The following DOCK8 variants were observed in gnomAD, a reference collection of about 807,000 sequenced individuals.
The protein encoded by DOCK8 is dedicator of cytokinesis protein 8.
Under a neutral mutation model 245.6 loss-of-function variants are expected in DOCK8, and 141 were observed. The ratio of observed to expected loss-of-function variants is 0.57; its 90% CI spans 0.50 to 0.66. The LOEUF (loss-of-function observed/expected upper bound fraction) is 0.66. Among genes scored for constraint, DOCK8 ranks in the 30% least tolerant of loss-of-function variants. The probability of loss-of-function intolerance (pLI) is 0.00; values close to 1 mark genes in which losing one functional copy is unlikely to be tolerated. For missense variants in DOCK8, 2,965 were observed against 2,603.4 expected (o/e 1.14, Z -3.02); for synonymous variants, 1,168 against 970.2 (o/e 1.20, Z -3.79).
chr9:417,769 A>G (rs765109477), intron 29 of DOCK8, among the ~76,000 whole-genome samples: 3 of 152,260 alleles, frequency 2.0e-5, no homozygotes, highest in Non-Finnish European at 4.4e-5. Flanking sequence ...AATAATGCCA[A>G]TTATTAGAAT....
chr9:361,808 G>A (rs116301717), intron 14 of DOCK8, among the ~76,000 whole-genome samples: 73 of 151,982 alleles, frequency 4.8e-4, no homozygotes, highest in South Asian at 2.1e-3. Context: ...ATTTTATTTC[G>A]AAATAAAATC....
At chr9:354,814 G>T (rs563583485) in intron 14 of DOCK8, among the ~76,000 whole-genome samples, 3 of 152,212 alleles carry the variant, frequency 2.0e-5, no homozygotes, top group Non-Finnish European at 2.9e-5. Context: ...AAACAAGCAA[G>T]CGGGAGGGTA....
chr9:251,325 C>T (rs1260957268), intron 1 of DOCK8, among the ~76,000 whole-genome samples: 1 of 152,132 alleles, frequency 6.6e-6, no homozygotes, highest in Non-Finnish European at 1.5e-5. Context: ...GCTCTTAAAT[C>T]TTTTACCCAT....
At chr9:247,680 C>G (rs1587657479) in intron 1 of DOCK8, among the ~76,000 whole-genome samples, 1 of 151,978 alleles carries the variant, frequency 6.6e-6, no homozygotes, top group Admixed American at 6.6e-5. Context: ...AATACAGGCA[C>G]CCACCACCAC....
At chr9:306,143 A>G (rs923410399) in intron 5 of DOCK8, among the ~76,000 whole-genome samples, 2 of 152,212 alleles carry the variant, frequency 1.3e-5, no homozygotes, top group African/African-American at 4.8e-5. Flanking sequence ...TTGTAAACTA[A>G]TATAGTTTTC....
At chr9:386,893 A>G (rs1034697796) in intron 23 of DOCK8, among the ~76,000 whole-genome samples, 3 of 152,244 alleles carry the variant, frequency 2.0e-5, no homozygotes, top group African/African-American at 7.2e-5. Flanking sequence ...TCAATACCAT[A>G]TAAACTAATA....
intron 34 of DOCK8, 113 bp from the exon 35 acceptor site, chr9:428,249 T>A: frequency 6.4e-7 from 1 of 1,561,992 alleles, no homozygotes; most frequent in African/African-American, 1.4e-5. Flanking sequence ...CACCAAACTC[T>A]TAAGACTCAC....
intron 26 of DOCK8, among the ~76,000 whole-genome samples, chr9:400,815 CCACCTCCACCATCACCAT>C (rs2054954082): frequency 1.0e-5 from 1 of 98,220 alleles, no homozygotes; most frequent in Non-Finnish European, 2.0e-5. Context: ...ACCATCACCA[CCACCTCCACCATCACCAT>C]CACCACCACC....
In DOCK8 at chr9:403,946, G is replaced by GTA. The variant is rs760208450; in HGVS notation, c.3235-960_3235-959dup. Among the ~76,000 whole-genome samples, 50 of 76,262 alleles carry GTA rather than the reference G, an allele frequency of 6.6e-4. 1 individual carries two copies. Among genetic ancestry groups the GTA allele is most frequent in the African/African-American group, 1.4e-3 (17 of 12,466 alleles). The allele number at this position is 76,262 out of a possible 152,430, so 50.0% of individuals were successfully genotyped here. A position where few individuals can be genotyped will look rare whatever the true frequency, so the allele number is the denominator to read the frequency against. On this transcript the variant is annotated intron_variant, in intron 26 of 47. Coordinates refer to ENST00000432829, the MANE Select transcript of DOCK8 (RefSeq NM_203447.4). ...TATATATATGTGTATATATATATGTGTATATATATATATGTATATATATAT... is the reference window on the plus strand; with the variant it reads ...TATATATATGTGTATATATATATGTGTATATATATATATATGTATATATATAT...
chr9:235,333 A>C lies in DOCK8; in HGVS notation c.53+20304A>C, dbSNP rs567416842. On this transcript the variant is annotated intron_variant, in intron 1 of 47. Transcript: ENST00000432829. ...CTGGGGGGTGCCTCCCAGTTGGGCT[A>C]CTCGGGGGTCAGGGACCCACTTGAG... is the stretch of plus-strand genomic sequence containing the variant. Among the ~76,000 whole-genome samples, 15 of 152,062 alleles carry C rather than the reference A, an allele frequency of 9.9e-5. No individual in the cohort carries two copies. In the East Asian group the frequency reaches 2.9e-3, roughly 30 times the overall value.
intron 1 of DOCK8, among the ~76,000 whole-genome samples, chr9:217,765 C>G (rs2046792334): frequency 6.6e-6 from 1 of 152,130 alleles, no homozygotes. Flanking sequence ...TGATTAAATT[C>G]TCACAAAAAG....
At chr9:277,700 A>T (rs1330788323) in intron 2 of DOCK8, among the ~76,000 whole-genome samples, 2 of 152,136 alleles carry the variant, frequency 1.3e-5, no homozygotes, top group African/African-American at 4.8e-5. Flanking sequence ...GTGAGAATAG[A>T]ACAATTTTGA....
chr9:457,434 G>T (rs1474366862), intron 46 of DOCK8, among the ~76,000 whole-genome samples: 1 of 152,226 alleles, frequency 6.6e-6, no homozygotes, highest in Non-Finnish European at 1.5e-5. Context: ...ATCAGTAAGT[G>T]TAACATTGTT....
chr9:384,652 C>T (rs756331099), intron 22 of DOCK8, among the ~76,000 whole-genome samples: 23 of 152,232 alleles, frequency 1.5e-4, no homozygotes, highest in Non-Finnish European at 1.0e-4. Context: ...CACCGTGGCT[C>T]ATGCCAGTAA....
At chr9:231,005 G>A (rs1019238990) in intron 1 of DOCK8, among the ~76,000 whole-genome samples, 28 of 152,004 alleles carry the variant, frequency 1.8e-4, no homozygotes, top group South Asian at 4.1e-4. Flanking sequence ...GTATTGCCTA[G>A]GTTTTCTTCT....
chr9:252,984 G>T (rs776191251), intron 1 of DOCK8, among the ~76,000 whole-genome samples: 2 of 152,124 alleles, frequency 1.3e-5, no homozygotes, highest in Non-Finnish European at 2.9e-5. Context: ...CTGTCCTTGG[G>T]ACAGAGGTTT....
intron 44 of DOCK8, 112 bp downstream of exon 44, chr9:446,718 C>G: frequency 1.1e-6 from 1 of 931,340 alleles, no homozygotes; most frequent in Non-Finnish European, 1.7e-6. Flanking sequence ...GAGGGATGCA[C>G]TTGAAATATG....
chr9:243,668 C>G (rs966997695), intron 1 of DOCK8, among the ~76,000 whole-genome samples: 1 of 151,024 alleles, frequency 6.6e-6, no homozygotes, highest in Admixed American at 6.6e-5. Flanking sequence ...CCCTTCTTCC[C>G]TACCTTTCCC....
At chr9:250,521 AT>A (rs1417819380) in intron 1 of DOCK8, among the ~76,000 whole-genome samples, 1 of 152,142 alleles carries the variant, frequency 6.6e-6, no homozygotes, top group Non-Finnish European at 1.5e-5. Flanking sequence ...GTTTTTCCTT[AT>A]TGGGATTCCC....
Sources: allele counts gnomAD v4.1 joint callset (sites outside exome capture counted in the v4.1 genomes callset), GRCh38; gene constraint gnomAD v4.1.1; transcripts MANE v1.5; gene names NCBI Gene and HGNC (gene_info 2026-07-23, HGNC 2026-07-21).